Variants in RHBDD1 observed in about 807,000 individuals in gnomAD.
RHBDD1 encodes rhomboid-related protein 4.
RHBDD1 carries 38 observed loss-of-function variants against 36.3 expected under a neutral mutation model. The ratio of observed to expected loss-of-function variants is 1.05; its 90% CI spans 0.81 to 1.37. RHBDD1 has a LOEUF of 1.37. RHBDD1 is among the 40% of genes most tolerant of loss of function. The probability of loss-of-function intolerance (pLI) is 0.00; values close to 1 mark genes in which losing one functional copy is unlikely to be tolerated. For synonymous variants in RHBDD1, 151 were observed against 136.5 expected, an observed-to-expected ratio of 1.11 and a Z score of -0.74; for missense variants, 393 against 377.6, an observed-to-expected ratio of 1.04 and a Z score of -0.34.
At chr2:226,933,743 T>C (rs1170634785) in intron 8 of RHBDD1, among the ~76,000 whole-genome samples, 1 of 152,098 alleles carries the variant, frequency 6.6e-6, no homozygotes. Flanking sequence ...TTATGTAGCA[T>C]TTATGTTTTT....
chr2:226,860,806 G>A (rs1297001265), intron 3 of RHBDD1, among the ~76,000 whole-genome samples: 3 of 152,166 alleles, frequency 2.0e-5, no homozygotes, highest in Non-Finnish European at 4.4e-5. Flanking sequence ...TCTCACATTG[G>A]CTATGGTTAT....
At chr2:226,831,066 G>C (rs946603198), upstream of RHBDD1, among the ~76,000 whole-genome samples, 1 of 152,158 alleles carries the variant, frequency 6.6e-6, no homozygotes, top group Non-Finnish European at 1.5e-5. Flanking sequence ...GGGAATTTTT[G>C]TACATTCACA....
intron 8 of RHBDD1, among the ~76,000 whole-genome samples, chr2:226,994,644 A>T (rs1296801951): frequency 6.6e-6 from 1 of 152,266 alleles, no homozygotes; most frequent in South Asian, 2.1e-4. Flanking sequence ...TGGTTTCCTC[A>T]TGGGGAATAT....
At chr2:226,896,941 A>G (rs895060357) in intron 5 of RHBDD1, among the ~76,000 whole-genome samples, 6 of 152,042 alleles carry the variant, frequency 3.9e-5, no homozygotes, top group Non-Finnish European at 5.9e-5. Flanking sequence ...TAGCTGGGAC[A>G]ACAGGCACGT....
intron 8 of RHBDD1, 66 bp from the exon 9 acceptor site, chr2:226,995,365 A>T: frequency 1.0e-6 from 1 of 966,468 alleles, no homozygotes; most frequent in Non-Finnish European, 1.7e-6. Context: ...TTCCCTTGGA[A>T]TCCTAGGGTA....
intron 8 of RHBDD1, among the ~76,000 whole-genome samples, chr2:226,960,334 C>T (rs1172787999): frequency 6.6e-6 from 1 of 152,196 alleles, no homozygotes; most frequent in East Asian, 1.9e-4. Flanking sequence ...TTATGTTGAA[C>T]ATCTTTTCTT....
intron 8 of RHBDD1, among the ~76,000 whole-genome samples, chr2:226,986,676 AAAC>A (rs1399979020): frequency 2.6e-5 from 4 of 152,246 alleles, no homozygotes; most frequent in African/African-American, 7.2e-5. Context: ...AAAAGTCAGG[AAAC>A]AACAGATGCT....
At chr2:226,814,610 T>C in the RHBDD1 span, among the ~76,000 whole-genome samples, 2 of 152,018 alleles carry the variant, frequency 1.3e-5, no homozygotes, top group Non-Finnish European at 2.9e-5. Flanking sequence ...GTTAGTCTTG[T>C]GGTGGTGGAA....
chr2:226,827,563 G>C, the RHBDD1 span, among the ~76,000 whole-genome samples: 3 of 152,138 alleles, frequency 2.0e-5, no homozygotes, highest in African/African-American at 7.2e-5. Flanking sequence ...CTGGAATGCT[G>C]TTCCATTTAA....
intron 8 of RHBDD1, among the ~76,000 whole-genome samples, chr2:226,986,987 C>T (rs1957097295): frequency 6.6e-6 from 1 of 152,184 alleles, no homozygotes; most frequent in Non-Finnish European, 1.5e-5. Flanking sequence ...CCATGGAATA[C>T]TATGCAGCCA....
intron 8 of RHBDD1, among the ~76,000 whole-genome samples, chr2:226,930,273 G>A (rs1949942482): frequency 6.6e-6 from 1 of 152,090 alleles, no homozygotes; most frequent in African/African-American, 2.4e-5. Context: ...CAAGGATGTA[G>A]TAACTAAAAC....
intron 8 of RHBDD1, among the ~76,000 whole-genome samples, chr2:226,945,246 C>G (rs13402054): frequency 0.58 from 88,270 of 151,170 alleles, 26,503 homozygotes; most frequent in African/African-American, 0.74. Context: ...TGCCATGGTG[C>G]TTTGCTGCAC....
At chr2:226,944,374 C>T (rs556158429) in intron 8 of RHBDD1, among the ~76,000 whole-genome samples, 2 of 152,240 alleles carry the variant, frequency 1.3e-5, no homozygotes, top group African/African-American at 4.8e-5. Context: ...AATTGCTGTG[C>T]GTTCTGTGTC....
chr2:226,941,389 C>G (rs945491984), intron 8 of RHBDD1, among the ~76,000 whole-genome samples: 2 of 152,210 alleles, frequency 1.3e-5, no homozygotes, highest in Non-Finnish European at 2.9e-5. Context: ...TTCCTGCTGG[C>G]AGGGGCAAGT....
rs577658592 is a variant in RHBDD1 at position 226,909,297 on chromosome 2, C to A, written c.712+419C>A. Among the ~76,000 whole-genome samples the A allele has an allele frequency of 2.7e-3, 416 of 152,210 alleles. 2 individuals are homozygous for A. Among genetic ancestry groups the A allele is most frequent in the African/African-American group, 9.5e-3 (393 of 41,520 alleles). On this transcript the variant is annotated intron_variant, in intron 7 of 8. Coordinates refer to ENST00000392062, the MANE Select transcript of RHBDD1 (RefSeq NM_001167608.3). ...ACCGTCAGATGCTAAAATAGGCATGCCTCTAACAAATGCCATGTGACTTAA... is the reference window on the plus strand; with the variant it reads ...ACCGTCAGATGCTAAAATAGGCATGACTCTAACAAATGCCATGTGACTTAA...
In RHBDD1 at chr2:226,854,622, C is replaced by T. The variant is rs151270220; in HGVS notation, c.-90-9982C>T. On this transcript the variant is annotated intron_variant, in intron 3 of 8. Coordinates refer to ENST00000392062, the MANE Select transcript of RHBDD1 (RefSeq NM_001167608.3). Reference sequence around the variant, plus strand: ...TTTCGAAAAAAAAAAAAAAAAAAGGCGCTTACCTAATGTCATATAGCTCCC... The same window carrying T: ...TTTCGAAAAAAAAAAAAAAAAAAGGTGCTTACCTAATGTCATATAGCTCCC... 1.9e-3 allele frequency among the ~76,000 whole-genome samples: 239 copies of T among 126,214 alleles called. 7 individuals are homozygous for T. In the East Asian group the frequency reaches 0.038, roughly 20 times the overall value. 82.8% of individuals were successfully genotyped at this position (126,214 alleles called of 152,430 possible).
At chr2:226,969,812 A>G (rs1411863582) in intron 8 of RHBDD1, among the ~76,000 whole-genome samples, 3 of 152,150 alleles carry the variant, frequency 2.0e-5, no homozygotes, top group Non-Finnish European at 4.4e-5. Flanking sequence ...GTAGACTCTC[A>G]TTCTTCATAA....
chr2:226,808,497 C>A, the RHBDD1 span: 1 of 152,236 alleles, frequency 6.6e-6, no homozygotes, highest in East Asian at 1.9e-4. Context: ...AAGGCTGGAG[C>A]CTGGAATCAT....
In RHBDD1 at chr2:226,870,160, A is replaced by G. The variant is rs529941798; in HGVS notation, c.566+2842A>G. 4.3e-3 allele frequency among the ~76,000 whole-genome samples: 651 copies of G among 152,208 alleles called. 1 individual carries two copies. The highest frequency in any genetic ancestry group is 7.4e-3 in the Non-Finnish European group (502 of 68,012). On this transcript the variant is annotated intron_variant, in intron 5 of 8. Coordinates refer to ENST00000392062, the MANE Select transcript of RHBDD1 (RefSeq NM_001167608.3). ...GCCGGGCTCACATACTGGCCGTGGG[A>G]CCTCGGGCAAGGTACACAGCCTCTC... is the stretch of plus-strand genomic sequence containing the variant.
Sources: gnomAD v4.1 joint callset for allele counts (sites outside exome capture counted in the v4.1 genomes callset) on GRCh38, gnomAD v4.1.1 for gene constraint, MANE v1.5 for transcripts, NCBI Gene and HGNC (gene_info 2026-07-23, HGNC 2026-07-21) for gene names.